ZNF708: variants seen among roughly 807,000 people sequenced by gnomAD.
ZNF708 encodes zinc finger protein 708.
A neutral mutation model predicts 47.0 loss-of-function variants in ZNF708; 44 were observed. The observed-to-expected ratio is 0.94, with a 90% CI of 0.74 to 1.20. The LOEUF is 1.20. Ranked by LOEUF, ZNF708 falls within the 50% of genes most tolerant of loss-of-function variation. The pLI is 0.00. For missense variants in ZNF708, 557 were observed against 656.0 expected (o/e 0.85, Z 1.65); for synonymous variants, 184 against 218.5 (o/e 0.84, Z 1.39).
chr19:21,306,601 C>T (rs1023393202), intron 3 of ZNF708, among the ~76,000 whole-genome samples: 2 of 152,036 alleles, frequency 1.3e-5, no homozygotes, highest in African/African-American at 2.4e-5. Flanking sequence ...GAAAATAAAA[C>T]CCCTGTTGAT....
intron 3 of ZNF708, among the ~76,000 whole-genome samples, chr19:21,305,642 T>A (rs1972749312): frequency 6.6e-6 from 1 of 151,834 alleles, no homozygotes; most frequent in Non-Finnish European, 1.5e-5. Context: ...TATTTTTTTT[T>A]AGTAGAGACG....
intron 3 of ZNF708, among the ~76,000 whole-genome samples, chr19:21,301,853 T>G (rs1398527037): frequency 6.6e-6 from 1 of 151,996 alleles, no homozygotes; most frequent in East Asian, 1.9e-4. Flanking sequence ...AAAAAAATAT[T>G]TCTAACCAAT....
intron 3 of ZNF708, chr19:21,307,003 CATAACATAAA>C (rs1275434591): frequency 1.5e-5 from 2 of 133,434 alleles, no homozygotes; most frequent in Non-Finnish European, 3.3e-5. Flanking sequence ...CATAACATAA[CATAACATAAA>C]ACATAACATA....
chr19:21,296,594 G>A (rs1211785204), intron 3 of ZNF708, among the ~76,000 whole-genome samples: 1 of 151,774 alleles, frequency 6.6e-6, no homozygotes. Context: ...AAGTATATTG[G>A]CACTTCATAT....
chr19:21,307,806 C>A (rs983955629), intron 3 of ZNF708, among the ~76,000 whole-genome samples: 23 of 151,952 alleles, frequency 1.5e-4, no homozygotes, highest in Non-Finnish European at 3.1e-4. Context: ...AAATAAAAAA[C>A]CCATTGAAAT....
At position 21,318,675 on chromosome 19, in the gene ZNF708, G is replaced by C. The variant is rs185891649; in HGVS notation, c.4-8048C>G. The C allele has an allele frequency of 2.6e-5, 4 of 152,284 alleles. No homozygotes were observed. The East Asian group carries it at 7.7e-4, about 29-fold the overall frequency. The allele number at this position is 152,284 out of a possible 1,614,324, so 9.4% of individuals were successfully genotyped here. On this transcript the variant is annotated intron_variant, in intron 1 of 3. Coordinates refer to ENST00000356929, the MANE Select transcript of ZNF708 (RefSeq NM_021269.3). The stretch of plus-strand genomic sequence containing the variant: ...TCTCATCTCCTAGCCATTGAATGGG[G>C]GTTCCATATTGAAATACAACTGACA...
chr19:21,302,218 G>T lies in ZNF708; in HGVS notation c.226+7028C>A, dbSNP rs117250204. ...AAATGTAAATATACAGACACATATAGAATTATTTACTATCATAATGATGGT... is the reference window on the plus strand; with the variant it reads ...AAATGTAAATATACAGACACATATATAATTATTTACTATCATAATGATGGT... On this transcript the variant is annotated intron_variant, in intron 3 of 3. Transcript: ENST00000356929. Among the ~76,000 whole-genome samples, 541 of 151,976 alleles carry T rather than the reference G, an allele frequency of 3.6e-3. 1 individual carries two copies. Among genetic ancestry groups the T allele is most frequent in the South Asian group, 0.016 (79 of 4,808 alleles).
intron 1 of ZNF708, among the ~76,000 whole-genome samples, chr19:21,326,104 C>A (rs1973251331): frequency 6.6e-6 from 1 of 152,196 alleles, no homozygotes; most frequent in East Asian, 1.9e-4. Flanking sequence ...AACACTTCTA[C>A]ATTGCTGGTG....
intron 1 of ZNF708, among the ~76,000 whole-genome samples, chr19:21,311,350 C>T (rs1015887322): frequency 6.7e-6 from 1 of 149,876 alleles, no homozygotes; most frequent in African/African-American, 2.5e-5. Flanking sequence ...AAAAATCTTT[C>T]AGAGAGCTCT....
chr19:21,323,903 A>G (rs942217178), intron 1 of ZNF708, among the ~76,000 whole-genome samples: 9 of 152,228 alleles, frequency 5.9e-5, no homozygotes, highest in Admixed American at 1.3e-4. Flanking sequence ...AGTGGGCTAA[A>G]GCTTTAATTT....
chr19:21,292,402 T>C lies in ZNF708; in HGVS notation c.*872A>G, dbSNP rs1022959664. ...TATTTTGGATTAAATGTTTTAAATA[T>C]ATACTGCATCTGCAAAAATATATCT... On this transcript the variant is annotated 3_prime_UTR_variant, in exon 4 of 4. Transcript: ENST00000356929. 6.6e-6 allele frequency: 1 copy of C among 152,258 alleles called. No individual in the cohort carries two copies. Among genetic ancestry groups the C allele is most frequent in the Non-Finnish European group, 1.5e-5 (1 of 68,060 alleles). 9.4% of individuals were successfully genotyped at this position (152,258 alleles called of 1,614,324 possible). A position where few individuals can be genotyped will look rare whatever the true frequency, so the allele number is the denominator to read the frequency against.
At chr19:21,314,416 C>A (rs972007728) in intron 1 of ZNF708, among the ~76,000 whole-genome samples, 1 of 151,968 alleles carries the variant, frequency 6.6e-6, no homozygotes, top group Non-Finnish European at 1.5e-5. Context: ...TAAAAGAAAT[C>A]AAAAAATAAT....
At chr19:21,297,667 T>A (rs1399206585) in intron 3 of ZNF708, among the ~76,000 whole-genome samples, 2 of 152,040 alleles carry the variant, frequency 1.3e-5, no homozygotes, top group Non-Finnish European at 2.9e-5. Flanking sequence ...TCTAGAGACA[T>A]AATTTTCAAC....
At chr19:21,320,614 G>C (rs2075193050) in intron 1 of ZNF708, among the ~76,000 whole-genome samples, 1 of 151,630 alleles carries the variant, frequency 6.6e-6, no homozygotes, top group African/African-American at 2.4e-5. Context: ...GACTGCTCAA[G>C]CCCAGGAGAT....
Position 21,310,498 on chromosome 19 carries a change from C to T in ZNF708, c.130+3G>A. Reference sequence around the variant, plus strand: ...AATTAAAAAAAAAAAAACTTATCCTCACCCAGGAATACCAGGTTTCTATAA... The same window carrying T: ...AATTAAAAAAAAAAAAACTTATCCTTACCCAGGAATACCAGGTTTCTATAA... On this transcript the variant is annotated splice_donor_region_variant and intron_variant, in intron 2 of 3. Transcript: ENST00000356929. The T allele has an allele frequency of 7.4e-7, 1 of 1,352,372 alleles. No homozygotes were observed. Among genetic ancestry groups the T allele is most frequent in the Non-Finnish European group, 9.6e-7 (1 of 1,039,978 alleles). 83.8% of individuals were successfully genotyped at this position (1,352,372 alleles called of 1,614,324 possible). A position where few individuals can be genotyped will look rare whatever the true frequency, so the allele number is the denominator to read the frequency against.
intron 1 of ZNF708, among the ~76,000 whole-genome samples, chr19:21,320,019 T>C (rs773579671): frequency 1.3e-5 from 2 of 151,888 alleles, no homozygotes; most frequent in Admixed American, 6.6e-5. Flanking sequence ...CTACTAAAAA[T>C]ACAAAAATTA....
chr19:21,298,125 A>C (rs1972577791), intron 3 of ZNF708, among the ~76,000 whole-genome samples: 1 of 152,150 alleles, frequency 6.6e-6, no homozygotes, highest in African/African-American at 2.4e-5. Context: ...AATAAAAATA[A>C]AACAAGATGG....
chr19:21,312,315 TAGTC>T (rs780891150), intron 1 of ZNF708, among the ~76,000 whole-genome samples: 1 of 150,384 alleles, frequency 6.6e-6, no homozygotes, highest in Admixed American at 6.6e-5. Flanking sequence ...ATACAAAAAT[TAGTC>T]AGGCACGGTA....
chr19:21,318,923 T>C (rs1973071041), intron 1 of ZNF708, among the ~76,000 whole-genome samples: 1 of 152,190 alleles, frequency 6.6e-6, no homozygotes, highest in Non-Finnish European at 1.5e-5. Flanking sequence ...ACAATATGTA[T>C]GTCAGACACA....
Sources: gnomAD v4.1 joint callset for allele counts (sites outside exome capture counted in the v4.1 genomes callset) on GRCh38, gnomAD v4.1.1 for gene constraint, MANE v1.5 for transcripts, NCBI Gene and HGNC (gene_info 2026-07-23, HGNC 2026-07-21) for gene names.